The following UTP20 variants were observed in gnomAD, a reference collection of about 807,000 sequenced individuals.
UTP20 encodes small subunit processome component 20 homolog.
Under a neutral mutation model 329.5 loss-of-function variants are expected in UTP20, and 164 were observed. The ratio of observed to expected loss-of-function variants is 0.50; its 90% CI spans 0.44 to 0.57. The LOEUF is 0.57. UTP20 is among the 20% of genes least tolerant of loss of function. The pLI is 0.00. For synonymous variants in UTP20, 1,151 were observed against 1,159.3 expected (o/e 0.99, Z 0.14); for missense variants, 3,055 against 3,284.2 (o/e 0.93, Z 1.71).
chr12:101,311,987 A>G (rs554793428), intron 20 of UTP20, 49 bp from the exon 21 acceptor site: 16 of 1,610,960 alleles, frequency 9.9e-6, no homozygotes, highest in Middle Eastern at 3.3e-4. Flanking sequence ...AACACTTAAG[A>G]TAAATGTTGA....
At chr12:101,295,142 A>C (rs1230679882) in intron 11 of UTP20, among the ~76,000 whole-genome samples, 1 of 152,040 alleles carries the variant, frequency 6.6e-6, no homozygotes, top group African/African-American at 2.4e-5. Context: ...CTTATAGTTT[A>C]GTCTCTAATT....
At chr12:101,368,230 T>C (rs958783829) in intron 48 of UTP20, among the ~76,000 whole-genome samples, 2 of 151,830 alleles carry the variant, frequency 1.3e-5, no homozygotes, top group African/African-American at 4.8e-5. Context: ...CAAAGGATTC[T>C]CTTGCCTCAG....
intron 26 of UTP20, among the ~76,000 whole-genome samples, chr12:101,327,937 C>A (rs146764825): frequency 6.2e-4 from 95 of 152,212 alleles, no homozygotes; most frequent in African/African-American, 1.9e-3. Flanking sequence ...CTTGATTATC[C>A]CCATTTTACA....
chr12:101,301,616 C>T (rs568579434), intron 14 of UTP20, among the ~76,000 whole-genome samples: 429 of 151,860 alleles, frequency 2.8e-3, no homozygotes, highest in Middle Eastern at 0.02. Flanking sequence ...TGCAGTGAGC[C>T]GAGATCACAC....
At chr12:101,310,150 T>C (rs1872741186) in intron 19 of UTP20, among the ~76,000 whole-genome samples, 1 of 152,240 alleles carries the variant, frequency 6.6e-6, no homozygotes, top group South Asian at 2.1e-4. Flanking sequence ...GGAAGTATAA[T>C]AATTGCATAA....
chr12:101,311,654 T>C, intron 19 of UTP20, 65 bp from the exon 20 acceptor site: 1 of 1,357,454 alleles, frequency 7.4e-7, no homozygotes, highest in Non-Finnish European at 9.9e-7. Context: ...TTTTTTTTTT[T>C]TCTATGAGCA....
intron 51 of UTP20, among the ~76,000 whole-genome samples, chr12:101,371,389 G>A (rs1870282814): frequency 6.6e-6 from 1 of 152,104 alleles, no homozygotes; most frequent in African/African-American, 2.4e-5. Context: ...CTTTCAAGGT[G>A]AGGGGGCAGT....
rs34248827 is a variant in UTP20, at chr12:101,291,540, CAAAAAAAAAAAA to C, written c.892-191_892-180del. On this transcript the variant is annotated intron_variant, in intron 8 of 61. Coordinates refer to ENST00000261637, the MANE Select transcript of UTP20 (RefSeq NM_014503.3). ...GGGCAATAAGAGTGAAACTCCATCT[CAAAAAAAAAAAA>C]AAAAAAAAAAGACTTAGAACAATGC... The C allele has an allele frequency of 5.2e-5, 4 of 77,178 alleles. 1 individual carries two copies. The highest frequency in any genetic ancestry group is 4.2e-3 in the Middle Eastern group (1 of 238). 4.8% of individuals were successfully genotyped at this position (77,178 alleles called of 1,614,324 possible). A position where few individuals can be genotyped will look rare whatever the true frequency, so the allele number is the denominator to read the frequency against.
chr12:101,317,696 C>A (rs755229624), intron 22 of UTP20, 33 bp downstream of exon 22: 82 of 1,573,700 alleles, frequency 5.2e-5, no homozygotes, highest in Non-Finnish European at 6.7e-5. Flanking sequence ...ATCACAGATC[C>A]ACAGTTCTGG....
At chr12:101,382,916 T>C in intron 58 of UTP20, 125 bp from the exon 59 acceptor site, 1 of 1,194,804 alleles carries the variant, frequency 8.4e-7, no homozygotes, top group Non-Finnish European at 1.1e-6. Flanking sequence ...TGTTAAATAG[T>C]TGTAATACCT....
rs757996334 is a variant in UTP20, at chr12:101,386,343, C to A, written c.*220C>A. The A allele has an allele frequency of 1.3e-4, 52 of 409,982 alleles. No individual in the cohort carries two copies. Among genetic ancestry groups the A allele is most frequent in the Non-Finnish European group, 1.9e-4 (44 of 235,078 alleles). The allele number at this position is 409,982 out of a possible 1,614,324, so 25.4% of individuals were successfully genotyped here. A position where few individuals can be genotyped will look rare whatever the true frequency, so the allele number is the denominator to read the frequency against. On this transcript the variant is annotated 3_prime_UTR_variant, in exon 62 of 62. Transcript: ENST00000261637. ...CACCTCAGCCTCCCAAGTAGTTGTG[C>A]CTCCTAGGCACACAACACTATGCCC...
intron 21 of UTP20, among the ~76,000 whole-genome samples, chr12:101,312,557 T>TCAGTCTCCCAGAG (rs1433032132): frequency 4.6e-5 from 7 of 152,242 alleles, no homozygotes; most frequent in Non-Finnish European, 1.0e-4. Context: ...TTCTCCTGCC[T>TCAGTCTCCCAGAG]CAGTCTCCCA....
At chr12:101,314,624 C>T (rs1385015179) in intron 21 of UTP20, among the ~76,000 whole-genome samples, 1 of 150,360 alleles carries the variant, frequency 6.7e-6, no homozygotes, top group Non-Finnish European at 1.5e-5. Flanking sequence ...TGTCACTGCA[C>T]TCCAGCCTGG....
chr12:101,344,699 C>T lies in UTP20; in HGVS notation c.4554C>T (p.Ile1518=). 1 of 1,613,422 alleles carries T rather than the reference C, an allele frequency of 6.2e-7. No individual in the cohort carries two copies. The highest frequency in any genetic ancestry group is 8.5e-7 in the Non-Finnish European group (1 of 1,179,418). Residue 1518 remains isoleucine, a synonymous_variant, in exon 36 of 62, where the codon ATC becomes ATT. Transcript: ENST00000261637. ...NVTEKDYREI[I]HRSLLEKLRK... ...CAGAGAAAGACTATAGAGAAATCAT[C>T]CACCGTTCACTCCTGGAGAAATTGA... is the stretch of plus-strand genomic sequence containing the variant.
chr12:101,321,253 T>G (rs1868367098), intron 24 of UTP20, among the ~76,000 whole-genome samples: 1 of 152,210 alleles, frequency 6.6e-6, no homozygotes, highest in Non-Finnish European at 1.5e-5. Flanking sequence ...GAGGAAAGCT[T>G]TTTGTATCAT....
intron 32 of UTP20, among the ~76,000 whole-genome samples, 161 bp from the exon 33 acceptor site, chr12:101,342,285 A>C (rs1217094333): frequency 2.6e-5 from 4 of 152,246 alleles, no homozygotes; most frequent in Non-Finnish European, 5.9e-5. Flanking sequence ...TTTACATTAA[A>C]TTAAAATGCT....
At chr12:101,363,313 A>G (rs1262264022) in intron 44 of UTP20, among the ~76,000 whole-genome samples, 1 of 152,230 alleles carries the variant, frequency 6.6e-6, no homozygotes, top group Non-Finnish European at 1.5e-5. Context: ...ACAATTATAT[A>G]TGTACATCTG....
chr12:101,363,037 AC>A (rs1432173913), intron 44 of UTP20, among the ~76,000 whole-genome samples: 1 of 131,194 alleles, frequency 7.6e-6, no homozygotes, highest in Non-Finnish European at 1.5e-5. Context: ...GGAGGCTGAG[AC>A]ACGAGAATTG....
At chr12:101,282,118 T>TAAAC (rs1871820381) in intron 2 of UTP20, among the ~76,000 whole-genome samples, 1 of 152,196 alleles carries the variant, frequency 6.6e-6, no homozygotes, top group Non-Finnish European at 1.5e-5. Context: ...TTCGTAATAT[T>TAAAC]CTTCTTTACT....
Sources: allele counts gnomAD v4.1 joint callset (sites outside exome capture counted in the v4.1 genomes callset), GRCh38; gene constraint gnomAD v4.1.1; transcripts MANE v1.5; gene names NCBI Gene and HGNC (gene_info 2026-07-23, HGNC 2026-07-21).